Variants in NFATC3 observed in about 807,000 individuals in gnomAD.
NFATC3 encodes nuclear factor of activated T cells 3.
Under a neutral mutation model 98.6 loss-of-function variants are expected in NFATC3, and 46 were observed. That is an observed-to-expected ratio of 0.47 (90% CI 0.37 to 0.60). The LOEUF (loss-of-function observed/expected upper bound fraction) is 0.60, where lower values mean the gene tolerates loss of function less well. Ranked by LOEUF, NFATC3 falls within the 20% of genes least tolerant of loss-of-function variation. The pLI is 0.00. For synonymous variants in NFATC3, 512 were observed against 472.2 expected (o/e 1.08, Z -1.09); for missense variants, 1,256 against 1,295.5 (o/e 0.97, Z 0.47).
At chr16:68,214,370 G>T in intron 9 of NFATC3, 1 of 1,614,184 alleles carries the variant, frequency 6.2e-7, no homozygotes, top group South Asian at 1.1e-5. Flanking sequence ...ATCAGGTTCA[G>T]CAGAGAAATG....
At chr16:68,168,370 C>T (rs997111564) in intron 5 of NFATC3, among the ~76,000 whole-genome samples, 3 of 151,640 alleles carry the variant, frequency 2.0e-5, no homozygotes, top group Non-Finnish European at 4.4e-5. Context: ...ACCATGTTGG[C>T]CATGCTGGTC....
At chr16:68,165,398 T>TC (rs2039144089) in intron 4 of NFATC3, among the ~76,000 whole-genome samples, 1 of 146,668 alleles carries the variant, frequency 6.8e-6, no homozygotes, top group African/African-American at 2.5e-5. Context: ...TTTTCTTTTT[T>TC]TTTTTTTTTT....
chr16:68,221,526 G>A, intron 9 of NFATC3: 2 of 1,264,556 alleles, frequency 1.6e-6, no homozygotes, highest in Non-Finnish European at 2.0e-6. Flanking sequence ...CAGTTGGCAA[G>A]TAATTTTATT....
intron 8 of NFATC3, chr16:68,189,393 C>CAT (rs1306611629): frequency 9.3e-6 from 2 of 214,272 alleles, no homozygotes; most frequent in Non-Finnish European, 2.0e-5. Flanking sequence ...GGTCTGTGCC[C>CAT]ATACCTGGTT....
intron 9 of NFATC3, among the ~76,000 whole-genome samples, chr16:68,215,164 C>T (rs951487511): frequency 3.3e-5 from 5 of 152,198 alleles, no homozygotes; most frequent in African/African-American, 1.2e-4. Context: ...ATCATGTTCA[C>T]TACCCAAACC....
chr16:68,218,531 A>T (rs958072054), intron 9 of NFATC3, among the ~76,000 whole-genome samples: 14 of 150,520 alleles, frequency 9.3e-5, no homozygotes, highest in African/African-American at 2.9e-4. Flanking sequence ...AAAAAAAAAA[A>T]AAGGTGAATT....
intron 1 of NFATC3, chr16:68,086,698 G>A: frequency 3.0e-6 from 3 of 985,358 alleles, no homozygotes; most frequent in Non-Finnish European, 3.6e-6. Flanking sequence ...CCTGGTATGA[G>A]GTGAATTTCT....
intron 1 of NFATC3, 58 bp from the exon 2 acceptor site, chr16:68,121,929 T>G: frequency 2.6e-5 from 40 of 1,510,834 alleles, no homozygotes; most frequent in Non-Finnish European, 3.4e-5. Context: ...TTTATACATC[T>G]GAGTTTTCTA....
chr16:68,211,595 T>C (rs2041399128), intron 9 of NFATC3, among the ~76,000 whole-genome samples: 1 of 151,788 alleles, frequency 6.6e-6, no homozygotes. Flanking sequence ...TGATCTCAGC[T>C]CACTGCAACT....
intron 3 of NFATC3, among the ~76,000 whole-genome samples, chr16:68,153,677 G>A (rs990578151): frequency 9.9e-5 from 15 of 151,894 alleles, no homozygotes; most frequent in Admixed American, 6.6e-4. Context: ...ACAGTGGCCC[G>A]ATCTCAGCTC....
At chr16:68,215,722 CTTTTTTTTTTT>C (rs35024337) in intron 9 of NFATC3, among the ~76,000 whole-genome samples, 4 of 96,040 alleles carry the variant, frequency 4.2e-5, no homozygotes, top group African/African-American at 4.4e-5. Context: ...GAGATTTGCA[CTTTTTTTTTTT>C]TTTTTTTTTT....
chr16:68,106,690 A>C (rs1270396131), intron 1 of NFATC3, among the ~76,000 whole-genome samples: 3 of 148,166 alleles, frequency 2.0e-5, no homozygotes, highest in Non-Finnish European at 4.5e-5. Context: ...CCTCCCAAAG[A>C]GCTGGGATTA....
rs2040409411 is a variant in NFATC3, at chr16:68,191,307, C to A, written c.2638C>A (p.Gln880Lys). 13 of 1,614,182 alleles carry A rather than the reference C, an allele frequency of 8.1e-6. No individual in the cohort carries two copies. The highest frequency in any genetic ancestry group is 1.1e-5 in the Non-Finnish European group (13 of 1,180,022). The change falls in exon 9 of 10, where the codon CAA (glutamine) becomes AAA (lysine). Residue 880 changes from glutamine (Q) to lysine (K), a missense_variant. Gln to Lys is a moderately conservative substitution (Grantham distance 53, BLOSUM62 1). Around this residue, in one of 3 missense-constraint regions of NFATC3, gnomAD observed 636 missense variants for 617.3 expected, o/e 1.03. Transcript: ENST00000346183. ...PHSVHTLPHL[Q>K]SMGYHCSNTG... ...TTCTGTGCATACCCTGCCTCATCTG[C>A]AATCAATGGGATATCATTGTTCAAA...
At chr16:68,156,219 G>T (rs2096191196) in intron 3 of NFATC3, among the ~76,000 whole-genome samples, 2 of 152,158 alleles carry the variant, frequency 1.3e-5, no homozygotes, top group East Asian at 1.9e-4. Flanking sequence ...GGAGGCTGAG[G>T]CAGGAGAATC....
intron 7 of NFATC3, 97 bp from the exon 8 acceptor site, chr16:68,183,143 G>A: frequency 1.6e-6 from 2 of 1,249,074 alleles, no homozygotes; most frequent in South Asian, 1.5e-5. Flanking sequence ...TATCTATGCT[G>A]GAGCCTTGTA....
At chr16:68,206,409 C>G (rs889339425) in intron 9 of NFATC3, among the ~76,000 whole-genome samples, 1 of 152,152 alleles carries the variant, frequency 6.6e-6, no homozygotes, top group Admixed American at 6.6e-5. Flanking sequence ...CCTTCCCGTC[C>G]TCCCAGCCCC....
rs533896326 is a variant in NFATC3 at position 68,099,449 on chromosome 16, A to T, written c.103+13665A>T. 1.2e-3 allele frequency among the ~76,000 whole-genome samples: 186 copies of T among 151,158 alleles called. 3 individuals are homozygous for T. The highest frequency in any genetic ancestry group is 8.5e-3 in the South Asian group (41 of 4,800). On this transcript the variant is annotated intron_variant, in intron 1 of 9. Transcript: ENST00000346183. The stretch of plus-strand genomic sequence containing the variant: ...GACCCCACCTCAAAAAAAAAAAAAT[A>T]TATTAGCCGGGCATGGTGGTGGGTG...
At chr16:68,133,289 C>G (rs567496482) in intron 3 of NFATC3, among the ~76,000 whole-genome samples, 2 of 151,978 alleles carry the variant, frequency 1.3e-5, no homozygotes, top group Admixed American at 6.6e-5. Context: ...TGTATGTTCA[C>G]AAAGCTAGAA....
chr16:68,151,247 G>A (rs145004935), intron 3 of NFATC3, among the ~76,000 whole-genome samples: 14 of 152,146 alleles, frequency 9.2e-5, no homozygotes, highest in Non-Finnish European at 1.9e-4. Context: ...ACACAGTGAA[G>A]TAGTTGGACG....
Sources: allele counts gnomAD v4.1 joint callset (sites outside exome capture counted in the v4.1 genomes callset), GRCh38; gene constraint gnomAD v4.1.1; regional missense constraint gnomAD v4.1.1; transcripts MANE v1.5; gene names NCBI Gene and HGNC (gene_info 2026-07-23, HGNC 2026-07-21).